The following MAP1LC3B2 variants were observed in gnomAD, a reference collection of about 807,000 sequenced individuals.
MAP1LC3B2 encodes the protein microtubule-associated protein 1 light chain 3 beta 2.
For missense variants in MAP1LC3B2, 155 were observed against 154.6 expected, an observed-to-expected ratio of 1.00 and a Z score of -0.01; for synonymous variants, 62 against 57.8, an observed-to-expected ratio of 1.07 and a Z score of -0.33.
intron 1 of MAP1LC3B2, among the ~76,000 whole-genome samples, chr12:116,567,928 G>C (rs1566023885): frequency 1.3e-5 from 2 of 152,106 alleles, no homozygotes; most frequent in Non-Finnish European, 2.9e-5. Context: ...GAGCCTGCGA[G>C]TTCTTGAAAA....
At chr12:116,561,492 A>G (rs953792736) in intron 1 of MAP1LC3B2, among the ~76,000 whole-genome samples, 16 of 152,166 alleles carry the variant, frequency 1.1e-4, no homozygotes, top group Admixed American at 6.5e-4. Context: ...AAACATTCAC[A>G]GCATCTTGTT....
intron 1 of MAP1LC3B2, among the ~76,000 whole-genome samples, chr12:116,568,914 G>A (rs1247362256): frequency 6.7e-6 from 1 of 148,542 alleles, no homozygotes; most frequent in Non-Finnish European, 1.5e-5. Context: ...AGGCTGGAGT[G>A]CAGTGGCGCA....
chr12:116,570,361 T>C (rs994255351), intron 1 of MAP1LC3B2, among the ~76,000 whole-genome samples: 3 of 152,228 alleles, frequency 2.0e-5, no homozygotes, highest in Non-Finnish European at 2.9e-5. Flanking sequence ...TATTATAAAA[T>C]AGGCTTTGTG....
chr12:116,567,536 T>A, intron 1 of MAP1LC3B2, among the ~76,000 whole-genome samples: 1 of 144,192 alleles, frequency 6.9e-6, no homozygotes, highest in East Asian at 2.1e-4. Context: ...TCACTTGAGG[T>A]CAGGAGTTTG....
chr12:116,576,332 A>G lies in MAP1LC3B2; in HGVS notation c.*12A>G. ...AATTGTCAGTGTAAAACCAGAAAAA[A>G]TGCATCTCTTCTAGAATTTTTTAAA... On this transcript the variant is annotated 3_prime_UTR_variant, in exon 2 of 2. Transcript: ENST00000556529. The G allele has an allele frequency of 6.2e-7, 1 of 1,605,884 alleles. No homozygotes were observed. Among genetic ancestry groups the G allele is most frequent in the Non-Finnish European group, 8.5e-7 (1 of 1,177,668 alleles).
chr12:116,560,188 C>CCATATATATATA (rs1491120344), intron 1 of MAP1LC3B2: 20 of 88,428 alleles, frequency 2.3e-4, no homozygotes, highest in Non-Finnish European at 3.0e-4. Flanking sequence ...CTAAGTTTGG[C>CCATATATATATA]TATATATATA....
chr12:116,566,616 T>TAAAAAAAA (rs58530141), intron 1 of MAP1LC3B2, among the ~76,000 whole-genome samples: 4 of 91,620 alleles, frequency 4.4e-5, no homozygotes, highest in African/African-American at 8.2e-5. Context: ...AGTCAGTGAT[T>TAAAAAAAA]AAAAAAAAAA....
intron 1 of MAP1LC3B2, chr12:116,560,187 G>GAT (rs1869216084): frequency 2.5e-5 from 2 of 81,508 alleles, no homozygotes; most frequent in African/African-American, 5.0e-5. Flanking sequence ...GCTAAGTTTG[G>GAT]CTATATATAT....
At chr12:116,572,366 G>GTTTT in intron 1 of MAP1LC3B2, among the ~76,000 whole-genome samples, 1 of 83,344 alleles carries the variant, frequency 1.2e-5, no homozygotes, top group African/African-American at 6.0e-5. Context: ...GCATGCCTCA[G>GTTTT]TTCTTTTTTT....
chr12:116,571,975 A>C (rs56002023), intron 1 of MAP1LC3B2, among the ~76,000 whole-genome samples: 3,236 of 151,852 alleles, frequency 0.021, 62 homozygotes, highest in South Asian at 0.079. Context: ...CAAAAAAAAA[A>C]AGGGTTAGGG....
intron 1 of MAP1LC3B2, among the ~76,000 whole-genome samples, chr12:116,567,103 C>A (rs1869409675): frequency 6.6e-6 from 1 of 151,878 alleles, no homozygotes; most frequent in Non-Finnish European, 1.5e-5. Context: ...AGCAAGTTAG[C>A]TCTTTGGCTA....
chr12:116,571,703 G>A (rs1047543444), intron 1 of MAP1LC3B2, among the ~76,000 whole-genome samples: 3 of 151,298 alleles, frequency 2.0e-5, no homozygotes, highest in African/African-American at 4.9e-5. Context: ...GGATGGTCTC[G>A]ATCTCCTAAC....
intron 1 of MAP1LC3B2, among the ~76,000 whole-genome samples, chr12:116,566,040 A>G (rs1168591776): frequency 6.6e-6 from 1 of 152,126 alleles, no homozygotes; most frequent in Non-Finnish European, 1.5e-5. Context: ...CTCCACAACA[A>G]ATCCATTTTA....
At position 116,576,025 on chromosome 12, in the gene MAP1LC3B2, C is replaced by CA. The variant is rs751784070; in HGVS notation, c.85dup (p.Thr29AsnfsTer13). On this transcript the variant is annotated frameshift_variant, in exon 2 of 2. Transcript: ENST00000556529. LOFTEE classifies it low-confidence loss of function (END_TRUNC). ...GTCCGACTTATTCGAGAGCAGCATC[C>CA]AACCAAAATCCCGGTGATAATAGAA... 9 of 1,614,186 alleles carry CA rather than the reference C, an allele frequency of 5.6e-6. 1 individual carries two copies. In the Admixed American group the frequency reaches 1.5e-4, roughly 27 times the overall value.
At chr12:116,571,455 G>GTTTTTTT (rs1869529426) in intron 1 of MAP1LC3B2, among the ~76,000 whole-genome samples, 1 of 67,948 alleles carries the variant, frequency 1.5e-5, no homozygotes, top group African/African-American at 5.4e-5. Context: ...AGGGACTGCT[G>GTTTTTTT]TTCTTTTTTT....
At chr12:116,569,300 TA>T (rs1869469577) in intron 1 of MAP1LC3B2, among the ~76,000 whole-genome samples, 1 of 152,194 alleles carries the variant, frequency 6.6e-6, no homozygotes, top group African/African-American at 2.4e-5. Flanking sequence ...TGAAGAGACC[TA>T]AACAGTGGGG....
rs539094510 is a variant in MAP1LC3B2 at position 116,569,162 on chromosome 12, A to G, written c.-101-6680A>G. On this transcript the variant is annotated intron_variant, in intron 1 of 1. Transcript: ENST00000556529. Reference sequence around the variant, plus strand: ...CAGGTGTGAACTACCGCGCCCGGCCAATTTCTTTTCTTTATAAATTTCTTT... The same window carrying G: ...CAGGTGTGAACTACCGCGCCCGGCCGATTTCTTTTCTTTATAAATTTCTTT... Among the ~76,000 whole-genome samples, 4 of 152,074 alleles carry G rather than the reference A, an allele frequency of 2.6e-5. No homozygotes were observed. In the South Asian group the frequency reaches 8.3e-4, roughly 32 times the overall value.
intron 1 of MAP1LC3B2, among the ~76,000 whole-genome samples, chr12:116,572,526 G>A (rs377633217): frequency 1.3e-5 from 2 of 152,026 alleles, no homozygotes; most frequent in African/African-American, 4.8e-5. Context: ...CACTACACCC[G>A]GCTAATTTTT....
At chr12:116,566,831 G>A (rs183548019) in intron 1 of MAP1LC3B2, among the ~76,000 whole-genome samples, 41 of 145,954 alleles carry the variant, frequency 2.8e-4, no homozygotes, top group African/African-American at 9.3e-4. Context: ...CTCAGGAGGC[G>A]GAGGCAGGAA....
Sources: gnomAD v4.1 joint callset for allele counts (sites outside exome capture counted in the v4.1 genomes callset) on GRCh38, gnomAD v4.1.1 for gene constraint, MANE v1.5 for transcripts, NCBI Gene and HGNC (gene_info 2026-07-23, HGNC 2026-07-21) for gene names.